The following ANKFN1 variants were observed in gnomAD, a reference collection of about 807,000 sequenced individuals.
ANKFN1 encodes ankyrin repeat and fibronectin type-III domain-containing protein 1.
A neutral mutation model predicts 108.7 loss-of-function variants in ANKFN1; 74 were observed. That is an observed-to-expected ratio of 0.68 (90% CI 0.56 to 0.83). The LOEUF (loss-of-function observed/expected upper bound fraction) is 0.83, where lower values mean the gene tolerates loss of function less well. Among genes scored for constraint, ANKFN1 ranks in the 40% least tolerant of loss-of-function variants. The pLI is 0.00. For missense variants in ANKFN1, 1,505 were observed against 1,382.3 expected (o/e 1.09, Z -1.41); for synonymous variants, 547 against 516.2 (o/e 1.06, Z -0.81).
Position 56,382,696 on chromosome 17 carries a change from T to A in ANKFN1, c.910+7982T>A, listed in dbSNP as rs186586413. ...TTGCAATCCTAGTCTCTGATAAAACTGACTTTAAACCAACAAAGATCAAAA... is the reference window on the plus strand; with the variant it reads ...TTGCAATCCTAGTCTCTGATAAAACAGACTTTAAACCAACAAAGATCAAAA... On this transcript the variant is annotated intron_variant, in intron 8 of 20. Transcript: ENST00000682825. Among the ~76,000 whole-genome samples the A allele has an allele frequency of 7.2e-4, 109 of 152,212 alleles. No individual in the cohort carries two copies. The East Asian group carries it at 9.5e-3, about 13-fold the overall frequency.
intron 8 of ANKFN1, among the ~76,000 whole-genome samples, chr17:56,407,028 GA>G (rs2047943134): frequency 7.2e-6 from 1 of 139,554 alleles, no homozygotes; most frequent in East Asian, 1.9e-4. Flanking sequence ...ATAGGGAGGG[GA>G]AAAAGGGGAA....
intron 4 of ANKFN1, among the ~76,000 whole-genome samples, chr17:56,344,355 C>T (rs142688725): frequency 1.8e-4 from 28 of 152,084 alleles, no homozygotes; most frequent in African/African-American, 6.7e-4. Context: ...CCTTAAATGC[C>T]TAGAACTGAT....
intron 8 of ANKFN1, among the ~76,000 whole-genome samples, chr17:56,416,127 G>A (rs1377516549): frequency 6.6e-6 from 1 of 152,082 alleles, no homozygotes; most frequent in Non-Finnish European, 1.5e-5. Flanking sequence ...AACACTGGAG[G>A]AAAATCTCCA....
At chr17:56,065,704 G>T (rs1249003589) in intron 4 of ANKFN1, among the ~76,000 whole-genome samples, 1 of 152,238 alleles carries the variant, frequency 6.6e-6, no homozygotes, top group East Asian at 1.9e-4. Context: ...ACACACATTT[G>T]CCATTTAAGT....
intron 5 of ANKFN1, among the ~76,000 whole-genome samples, chr17:56,353,081 C>G (rs988034716): frequency 2.0e-5 from 3 of 152,038 alleles, no homozygotes; most frequent in African/African-American, 7.2e-5. Context: ...GAACACTATT[C>G]CAGGAGTAGT....
chr17:56,237,377 A>T (rs1598286187), intron 3 of ANKFN1, among the ~76,000 whole-genome samples: 1 of 151,906 alleles, frequency 6.6e-6, no homozygotes, highest in Admixed American at 6.6e-5. Context: ...CTCTTTGTAC[A>T]TCTGGTAGAA....
In ANKFN1 at chr17:56,353,846, G is replaced by A. The variant is rs1371418515; in HGVS notation, c.401G>A (p.Gly134Asp). 9.3e-6 allele frequency: 15 copies of A among 1,613,766 alleles called. No homozygotes were observed. The highest frequency in any genetic ancestry group is 3.3e-5 in the Admixed American group (2 of 59,960). The stretch of plus-strand genomic sequence containing the variant: ...TTTGCTCCTCTCTAGAATTTCCAGG[G>A]CAATGAAGCCATGTTTGAGGCAGTC... ...SLRKTSVNFQ[G>D]NEAMFEAVEQ... The change falls in exon 6 of 21, where the codon GGC becomes GAC. Residue 134 changes from glycine to aspartate, a missense_variant. Gly to Asp is a moderately conservative substitution (Grantham distance 94). Transcript: ENST00000682825.
intron 3 of ANKFN1, among the ~76,000 whole-genome samples, chr17:56,325,764 C>T (rs142595012): frequency 1.4e-3 from 215 of 152,280 alleles, no homozygotes; most frequent in African/African-American, 4.8e-3. Context: ...GGAAACAAGG[C>T]GGTGTCTGGC....
intron 18 of ANKFN1, among the ~76,000 whole-genome samples, chr17:56,483,615 T>C (rs1028818156): frequency 4.6e-5 from 7 of 152,234 alleles, no homozygotes; most frequent in African/African-American, 1.4e-4. Flanking sequence ...AGACTGGGAC[T>C]TGAGAGTCCT....
intron 4 of ANKFN1, among the ~76,000 whole-genome samples, chr17:56,102,816 C>G (rs368083257): frequency 6.6e-6 from 1 of 152,176 alleles, no homozygotes; most frequent in African/African-American, 2.4e-5. Context: ...CTTGCTCAAG[C>G]GATCCTCCTG....
intron 4 of ANKFN1, among the ~76,000 whole-genome samples, chr17:56,146,742 C>T (rs1301959367): frequency 6.6e-6 from 1 of 152,148 alleles, no homozygotes; most frequent in Non-Finnish European, 1.5e-5. Flanking sequence ...CATTTTTACC[C>T]CCTGGCCTCC....
At chr17:56,501,709 G>A (rs1186818524) in intron 20 of ANKFN1, among the ~76,000 whole-genome samples, 2 of 152,128 alleles carry the variant, frequency 1.3e-5, no homozygotes, top group Non-Finnish European at 2.9e-5. Flanking sequence ...GAAAGAGGAG[G>A]TAGAATAAGA....
Position 56,449,103 on chromosome 17 carries a change from A to T in ANKFN1, c.1124A>T (p.Glu375Val). The T allele has an allele frequency of 6.2e-7, 1 of 1,613,502 alleles. No individual in the cohort carries two copies. The highest frequency in any genetic ancestry group is 1.1e-5 in the South Asian group (1 of 91,060). The change falls in exon 11 of 21, where the codon GAG becomes GTG. Residue 375 changes from glutamate (E) to valine (V), a missense_variant. By Grantham distance (121) the Glu-to-Val change is moderately radical. Coordinates refer to ENST00000682825, the MANE Select transcript of ANKFN1 (RefSeq NM_001370326.1). Reference protein sequence around the residue: ...PSNWKDYDDREPRHKGQSEVL... With the variant: ...PSNWKDYDDRVPRHKGQSEVL... ...GACTGGAAAGACTATGACGACAGAG[A>T]GCCCAGACACAAGGGACAGAGTGAA...
At chr17:56,289,625 G>A (rs753212023) in intron 3 of ANKFN1, among the ~76,000 whole-genome samples, 1 of 152,184 alleles carries the variant, frequency 6.6e-6, no homozygotes, top group African/African-American at 2.4e-5. Flanking sequence ...AGACAGCTCC[G>A]TTTCTCCTGG....
chr17:56,474,409 G>A (rs950159336), intron 15 of ANKFN1, among the ~76,000 whole-genome samples: 1 of 152,192 alleles, frequency 6.6e-6, no homozygotes, highest in Non-Finnish European at 1.5e-5. Context: ...TGCTCTCACA[G>A]AACCATGTTG....
chr17:56,131,974 G>T (rs1488228722), intron 4 of ANKFN1, among the ~76,000 whole-genome samples: 1 of 152,132 alleles, frequency 6.6e-6, no homozygotes, highest in Non-Finnish European at 1.5e-5. Flanking sequence ...CTTAAGAATC[G>T]AATCATATGG....
intron 3 of ANKFN1, among the ~76,000 whole-genome samples, chr17:56,246,011 C>A (rs934591432): frequency 1.3e-5 from 2 of 152,146 alleles, no homozygotes; most frequent in African/African-American, 4.8e-5. Context: ...CAGAAGATAG[C>A]ATCTCTTTAT....
intron 8 of ANKFN1, among the ~76,000 whole-genome samples, chr17:56,433,723 G>A (rs1040917577): frequency 1.2e-4 from 19 of 152,032 alleles, no homozygotes; most frequent in African/African-American, 4.6e-4. Flanking sequence ...CAAATAGGGT[G>A]CAGTGTATAC....
At position 56,204,718 on chromosome 17, in the gene ANKFN1, C is replaced by A. The variant is rs941389142; in HGVS notation, c.-70-7880C>A. ...AGACATTTCAAAATCAATGTCAAAC[C>A]CTTTTTGTGAGCTTTGCCCCTGTAC... is the stretch of plus-strand genomic sequence containing the variant. On this transcript the variant is annotated intron_variant, in intron 1 of 20. Transcript: ENST00000682825. Among the ~76,000 whole-genome samples the A allele has an allele frequency of 4.6e-5, 7 of 152,250 alleles. No homozygotes were observed. The East Asian group carries it at 1.4e-3, about 29-fold the overall frequency.
Sources: allele counts gnomAD v4.1 joint callset (sites outside exome capture counted in the v4.1 genomes callset), GRCh38; gene constraint gnomAD v4.1.1; transcripts MANE v1.5; gene names NCBI Gene and HGNC (gene_info 2026-07-23, HGNC 2026-07-21).